Variants in USP30 observed in about 807,000 individuals in gnomAD.
USP30 encodes ubiquitin carboxyl-terminal hydrolase 30.
USP30 carries 41 observed loss-of-function variants against 68.2 expected under a neutral mutation model. The ratio of observed to expected loss-of-function variants is 0.60; its 90% CI spans 0.47 to 0.78. The LOEUF (loss-of-function observed/expected upper bound fraction) is 0.78, where lower values mean the gene tolerates loss of function less well. USP30 is among the 30% of genes least tolerant of loss of function. The pLI is 0.00. For missense variants in USP30, 522 were observed against 649.4 expected (o/e 0.80, Z 2.13); for synonymous variants, 229 against 253.7 (o/e 0.90, Z 0.93).
At chr12:109,049,047 G>C (rs571329808), upstream of USP30, among the ~76,000 whole-genome samples, 9 of 152,224 alleles carry the variant, frequency 5.9e-5, no homozygotes, top group Non-Finnish European at 1.3e-4. Flanking sequence ...CCTTGGCCAA[G>C]AGGGGGCCCA....
At chr12:109,025,729 TG>T (rs2040440442) in intron 2 of USP30, among the ~76,000 whole-genome samples, 1 of 152,054 alleles carries the variant, frequency 6.6e-6, no homozygotes, top group South Asian at 2.1e-4. Context: ...TGGAGTGCAG[TG>T]GTGTGATCAC....
chr12:109,031,866 G>A (rs1022005984), intron 3 of USP30, among the ~76,000 whole-genome samples: 9 of 152,168 alleles, frequency 5.9e-5, no homozygotes, highest in Non-Finnish European at 1.3e-4. Context: ...CACTTTGGGA[G>A]GCCAAGGCAG....
chr12:109,033,449 C>T (rs1327874542), intron 3 of USP30, among the ~76,000 whole-genome samples: 1 of 152,154 alleles, frequency 6.6e-6, no homozygotes, highest in Non-Finnish European at 1.5e-5. Flanking sequence ...TTTAGTAACA[C>T]TGGTTTCAGG....
chr12:109,056,367 GT>G (rs2135713449), intron 1 of USP30, among the ~76,000 whole-genome samples: 1 of 152,096 alleles, frequency 6.6e-6, no homozygotes, highest in African/African-American at 2.4e-5. Context: ...TAATTTTTGT[GT>G]TTTTAGTAGA....
chr12:109,085,207 C>T, intron 12 of USP30, 134 bp downstream of exon 12: 2 of 1,048,678 alleles, frequency 1.9e-6, no homozygotes, highest in Admixed American at 5.7e-5. Flanking sequence ...CACGATTACA[C>T]ATTCCTATTT....
At chr12:109,079,265 T>C (rs149407992) in intron 7 of USP30, among the ~76,000 whole-genome samples, 3 of 151,664 alleles carry the variant, frequency 2.0e-5, no homozygotes, top group Admixed American at 6.6e-5. Flanking sequence ...CTGTGTGTTC[T>C]TTAAATTAGA....
chr12:109,082,525 AAC>A, intron 9 of USP30, 136 bp from the exon 10 acceptor site: 1 of 724,514 alleles, frequency 1.4e-6, no homozygotes, highest in Non-Finnish European at 2.3e-6. Context: ...ATTCACAAAT[AAC>A]TGGGCAGCTG....
upstream of USP30, among the ~76,000 whole-genome samples, chr12:109,050,720 A>G (rs35409409): frequency 0.016 from 2,463 of 152,204 alleles, 27 homozygotes; most frequent in African/African-American, 0.034. Flanking sequence ...AAAACAAAAA[A>G]ATAATGGGCC....
intron 2 of USP30, among the ~76,000 whole-genome samples, chr12:109,025,609 T>C (rs145751539): frequency 6.6e-6 from 1 of 151,948 alleles, no homozygotes; most frequent in East Asian, 1.9e-4. Context: ...GAGTATCTCA[T>C]ATAGAAATTT....
At chr12:109,057,668 T>G (rs769165668) in intron 2 of USP30, among the ~76,000 whole-genome samples, 1 of 152,230 alleles carries the variant, frequency 6.6e-6, no homozygotes, top group Non-Finnish European at 1.5e-5. Flanking sequence ...AGAACCAAGC[T>G]GTGCTGGATA....
In USP30 at chr12:109,072,293, T is replaced by C. The variant is rs779354955; in HGVS notation, c.580-12T>C. ...AGGTTTTCAGTCTGTTTTTTTTTTTTCTCCCCTACAGCAGCAGTCAGAAAT... is the reference window on the plus strand; with the variant it reads ...AGGTTTTCAGTCTGTTTTTTTTTTTCCTCCCCTACAGCAGCAGTCAGAAAT... On this transcript the variant is annotated splice_polypyrimidine_tract_variant and intron_variant, in intron 5 of 12. Transcript: ENST00000257548. 447 of 1,612,450 alleles carry C rather than the reference T, an allele frequency of 2.8e-4. No individual in the cohort carries two copies. The highest frequency in any genetic ancestry group is 3.5e-4 in the Non-Finnish European group (412 of 1,179,220).
At chr12:109,040,237 T>C (rs1363119989) in intron 3 of USP30, among the ~76,000 whole-genome samples, 1 of 152,134 alleles carries the variant, frequency 6.6e-6, no homozygotes, top group Non-Finnish European at 1.5e-5. Flanking sequence ...AGAGTTTAAC[T>C]ATTAAGGAAG....
At chr12:109,024,200 A>T (rs919717391) in intron 1 of USP30, among the ~76,000 whole-genome samples, 22 of 152,196 alleles carry the variant, frequency 1.4e-4, no homozygotes, top group African/African-American at 5.3e-4. Flanking sequence ...GAGGTGAAGG[A>T]CCACACACTT....
Position 109,081,046 on chromosome 12 carries a change from C to A in USP30, c.721-288C>A, listed in dbSNP as rs927083110. Among the ~76,000 whole-genome samples the A allele has an allele frequency of 3.3e-5, 5 of 152,154 alleles. No individual in the cohort carries two copies. The South Asian group carries it at 1.0e-3, about 32-fold the overall frequency. On this transcript the variant is annotated intron_variant, in intron 7 of 12. Transcript: ENST00000257548. ...ATTACAAATAATGTTGATGAATATT[C>A]TTGTAGTTATGCCCATGGTTATTTC...
intron 2 of USP30, among the ~76,000 whole-genome samples, 163 bp from the exon 3 acceptor site, chr12:109,057,763 T>G (rs1174480993): frequency 1.3e-5 from 2 of 152,214 alleles, no homozygotes; most frequent in East Asian, 3.8e-4. Flanking sequence ...AACCAAGCCT[T>G]GGCACAGATA....
At chr12:109,046,129 TCTCA>T (rs1461910280) in intron 3 of USP30, among the ~76,000 whole-genome samples, 1 of 128,764 alleles carries the variant, frequency 7.8e-6, no homozygotes, top group East Asian at 2.5e-4. Flanking sequence ...TTAGATGGAG[TCTCA>T]CTCTGTTGCT....
At chr12:109,027,798 T>G (rs913908324) in intron 3 of USP30, among the ~76,000 whole-genome samples, 2 of 152,246 alleles carry the variant, frequency 1.3e-5, no homozygotes, top group African/African-American at 4.8e-5. Flanking sequence ...CATCTGTTGA[T>G]GGACACGTGG....
rs147950796 is a variant in USP30, at chr12:109,062,518, C to T, written c.376+4410C>T. On this transcript the variant is annotated intron_variant, in intron 3 of 12. Coordinates refer to ENST00000257548, the MANE Select transcript of USP30 (RefSeq NM_032663.5). ...AATATTTTTGTATTTTTAGTAGAGA[C>T]GGGGTTTCACCGTGTTAGCCAGGAT... Among the ~76,000 whole-genome samples the T allele has an allele frequency of 3.9e-3, 588 of 151,302 alleles. 6 individuals carry two copies. The highest frequency in any genetic ancestry group is 0.013 in the African/African-American group (546 of 41,200).
intron 7 of USP30, among the ~76,000 whole-genome samples, chr12:109,080,656 G>A (rs1192833781): frequency 6.6e-6 from 1 of 152,162 alleles, no homozygotes; most frequent in Non-Finnish European, 1.5e-5. Flanking sequence ...CCATTTGCTA[G>A]AACTTCCAAC....
Sources: gnomAD v4.1 joint callset for allele counts (sites outside exome capture counted in the v4.1 genomes callset) on GRCh38, gnomAD v4.1.1 for gene constraint, MANE v1.5 for transcripts, NCBI Gene and HGNC (gene_info 2026-07-23, HGNC 2026-07-21) for gene names.